Variants in CDH7 observed in about 807,000 individuals in gnomAD.
The protein encoded by CDH7 is cadherin-7.
In CDH7, 25 loss-of-function variants were observed where a neutral mutation model predicts 71.8. The observed-to-expected ratio is 0.35, with a 90% CI of 0.25 to 0.49. The LOEUF (loss-of-function observed/expected upper bound fraction) is 0.49. Ranked by LOEUF, CDH7 falls within the 20% of genes least tolerant of loss-of-function variation. The probability of loss-of-function intolerance (pLI) is 0.99; values close to 1 mark genes in which losing one functional copy is unlikely to be tolerated. For synonymous variants in CDH7, 381 were observed against 363.8 expected, an observed-to-expected ratio of 1.05 and a Z score of -0.54; for missense variants, 862 against 974.6, an observed-to-expected ratio of 0.88 and a Z score of 1.54.
In CDH7 at chr18:65,803,526, C is replaced by T. The variant is rs1286768366; in HGVS notation, c.211-6178C>T. On this transcript the variant is annotated intron_variant, in intron 2 of 11. Coordinates refer to ENST00000397968, the MANE Select transcript of CDH7 (RefSeq NM_004361.5). ...TGAATTGTGTTCCATTACCTTGAAC[C>T]ACAGTAATAATTATAAATTAGGAAT... is the stretch of plus-strand genomic sequence containing the variant. The T allele has an allele frequency of 4.0e-5, 6 of 151,896 alleles. No homozygotes were observed. In the East Asian group the frequency reaches 1.2e-3, roughly 29 times the overall value. The allele number at this position is 151,896 out of a possible 1,614,324, so 9.4% of individuals were successfully genotyped here. A position where few individuals can be genotyped will look rare whatever the true frequency, so the allele number is the denominator to read the frequency against.
At chr18:65,877,004 A>G (rs778917351) in intron 11 of CDH7, among the ~76,000 whole-genome samples, 2 of 152,212 alleles carry the variant, frequency 1.3e-5, no homozygotes, top group Non-Finnish European at 2.9e-5. Context: ...CTTAAAATAT[A>G]TAATCTTCTG....
At position 65,881,021 on chromosome 18, in the gene CDH7, TA is replaced by T. The variant is rs1485219529; in HGVS notation, c.*130del. 4 of 912,576 alleles carry T rather than the reference TA, an allele frequency of 4.4e-6. No individual in the cohort carries two copies. In the Admixed American group the frequency reaches 9.6e-5, roughly 22 times the overall value. 56.5% of individuals were successfully genotyped at this position (912,576 alleles called of 1,614,324 possible). ...TCCCCTTGCTGGAGACAGATGGTTG[TA>T]AATATTTCTCCATTTTTAATTGTTT... On this transcript the variant is annotated 3_prime_UTR_variant, in exon 12 of 12. Coordinates refer to ENST00000397968, the MANE Select transcript of CDH7 (RefSeq NM_004361.5).
intron 2 of CDH7, among the ~76,000 whole-genome samples, chr18:65,791,774 G>A (rs1910720152): frequency 2.6e-5 from 4 of 152,200 alleles, no homozygotes; most frequent in South Asian, 4.1e-4. Context: ...CTGGGATTCT[G>A]TTCAGTAAAC....
intron 1 of CDH7, among the ~76,000 whole-genome samples, chr18:65,759,113 A>G (rs1598983296): frequency 6.6e-6 from 1 of 152,350 alleles, no homozygotes; most frequent in East Asian, 1.9e-4. Flanking sequence ...TGGAAGAGAA[A>G]TAATCTTCAA....
chr18:65,864,643 C>T (rs1031957380), intron 11 of CDH7, among the ~76,000 whole-genome samples: 1 of 151,930 alleles, frequency 6.6e-6, no homozygotes, highest in Admixed American at 6.5e-5. Flanking sequence ...AATCCCAGCA[C>T]TTTGGGAGGC....
chr18:65,758,662 T>C (rs1244459795), intron 1 of CDH7, among the ~76,000 whole-genome samples: 2 of 152,216 alleles, frequency 1.3e-5, no homozygotes, highest in Non-Finnish European at 2.9e-5. Context: ...AAAGACAATT[T>C]AGCTCAAGAG....
In CDH7 at chr18:65,880,911, C is replaced by A. The variant is rs199696123; in HGVS notation, c.*17C>A. 180 of 1,554,006 alleles carry A rather than the reference C, an allele frequency of 1.2e-4. 1 individual carries two copies. The African/African-American group carries it at 2.3e-3, about 20-fold the overall frequency. ...TACTCATAGCCTTGGAACCTTAATT[C>A]GAAATGTACTGAAGAAAAAGTAACA... On this transcript the variant is annotated 3_prime_UTR_variant, in exon 12 of 12. Transcript: ENST00000397968.
At chr18:65,798,670 AG>A (rs1349352667) in intron 2 of CDH7, among the ~76,000 whole-genome samples, 2 of 152,200 alleles carry the variant, frequency 1.3e-5, no homozygotes, top group Non-Finnish European at 2.9e-5. Flanking sequence ...GGTCAGGAGT[AG>A]GGAAGGGTCT....
chr18:65,851,508 AAAG>A (rs1320343948), intron 7 of CDH7, among the ~76,000 whole-genome samples: 7 of 152,190 alleles, frequency 4.6e-5, no homozygotes, highest in African/African-American at 9.6e-5. Context: ...CTGTGAATAT[AAAG>A]AAGAACATTT....
chr18:65,860,005 T>C (rs1913507010), intron 10 of CDH7, among the ~76,000 whole-genome samples, 180 bp downstream of exon 10: 1 of 152,180 alleles, frequency 6.6e-6, no homozygotes, highest in Non-Finnish European at 1.5e-5. Flanking sequence ...AAAGCTGCTA[T>C]TTAAATTTTC....
chr18:65,863,678 G>T (rs1005364890), intron 11 of CDH7: 1 of 152,118 alleles, frequency 6.6e-6, no homozygotes, highest in African/African-American at 2.4e-5. Context: ...AATTTGAAAT[G>T]ATTACAATTT....
rs111404001 is a variant in CDH7 at position 65,782,766 on chromosome 18, C to T, written c.210+19714C>T. On this transcript the variant is annotated intron_variant, in intron 2 of 11. Transcript: ENST00000397968. ...TTAATATATACTATTGATTCATTAA[C>T]ATTAAACTCACAGACAACACACTAT... is the stretch of plus-strand genomic sequence containing the variant. Among the ~76,000 whole-genome samples, 234 of 152,266 alleles carry T rather than the reference C, an allele frequency of 1.5e-3. 2 individuals carry two copies. Among genetic ancestry groups the T allele is most frequent in the African/African-American group, 5.3e-3 (222 of 41,548 alleles).
chr18:65,833,986 A>C (rs965459947), intron 6 of CDH7, among the ~76,000 whole-genome samples: 1 of 152,138 alleles, frequency 6.6e-6, no homozygotes, highest in Non-Finnish European at 1.5e-5. Context: ...TCCATTATGG[A>C]ATTTATTTTG....
Position 65,800,293 on chromosome 18 carries a change from A to T in CDH7, c.211-9411A>T, listed in dbSNP as rs139944693. ...ACAGGGTTTCACCATGTTAGCCAGG[A>T]TGGTCTCGATCTCCTGACCTTGTGA... On this transcript the variant is annotated intron_variant, in intron 2 of 11. Transcript: ENST00000397968. Among the ~76,000 whole-genome samples, 1,135 of 152,114 alleles carry T rather than the reference A, an allele frequency of 7.5e-3. 7 individuals are homozygous for T. Among genetic ancestry groups the T allele is most frequent in the African/African-American group, 0.026 (1,081 of 41,476 alleles).
Position 65,850,173 on chromosome 18 carries a change from A to ATATATATATATATATATAT in CDH7, c.1235+6108_1235+6109insTATATATATATATATATAT, listed in dbSNP as rs145348057. ...AGTGAGACCCTGCCACACTATATATAATATATATATATATAAAATTAAATA... is the reference window on the plus strand; with the variant it reads ...AGTGAGACCCTGCCACACTATATATATATATATATATATATATATATATATATATATATAAAATTAAATA... On this transcript the variant is annotated intron_variant, in intron 7 of 11. Transcript: ENST00000397968. Among the ~76,000 whole-genome samples the ATATATATATATATATATAT allele has an allele frequency of 1.3e-3, 86 of 65,266 alleles. 1 individual carries two copies. Among genetic ancestry groups the ATATATATATATATATATAT allele is most frequent in the African/African-American group, 4.7e-3 (74 of 15,658 alleles). The allele number at this position is 65,266 out of a possible 152,430, so 42.8% of individuals were successfully genotyped here. A position where few individuals can be genotyped will look rare whatever the true frequency, so the allele number is the denominator to read the frequency against.
At chr18:65,817,293 C>T (rs1222738034) in intron 4 of CDH7, among the ~76,000 whole-genome samples, 1 of 152,034 alleles carries the variant, frequency 6.6e-6, no homozygotes, top group East Asian at 1.9e-4. Flanking sequence ...TGACCCCTTC[C>T]AACTACACCC....
chr18:65,852,924 G>A (rs960562855), intron 7 of CDH7, among the ~76,000 whole-genome samples: 2 of 152,096 alleles, frequency 1.3e-5, no homozygotes, highest in South Asian at 2.1e-4. Context: ...TGGGGAAAAG[G>A]TTGATGAATT....
rs942899480 is a variant in CDH7 at position 65,885,044 on chromosome 18, T to C, written c.*4150T>C. 8 of 152,162 alleles carry C rather than the reference T, an allele frequency of 5.3e-5. No individual in the cohort carries two copies. Among genetic ancestry groups the C allele is most frequent in the Non-Finnish European group, 1.2e-4 (8 of 68,016 alleles). 9.4% of individuals were successfully genotyped at this position (152,162 alleles called of 1,614,324 possible). On this transcript the variant is annotated 3_prime_UTR_variant, in exon 12 of 12. Coordinates refer to ENST00000397968, the MANE Select transcript of CDH7 (RefSeq NM_004361.5). Reference sequence around the variant, plus strand: ...TTATTTTTTAATTATTAATAATGTATATTGTGTGTATATATGACGGTGTAT... The same window carrying C: ...TTATTTTTTAATTATTAATAATGTACATTGTGTGTATATATGACGGTGTAT...
intron 11 of CDH7, among the ~76,000 whole-genome samples, chr18:65,871,331 G>T (rs1913920016): frequency 6.6e-6 from 1 of 152,094 alleles, no homozygotes; most frequent in South Asian, 2.1e-4. Flanking sequence ...CTATGAAGTG[G>T]TTTATAAGAG....
Sources: gnomAD v4.1 joint callset for allele counts (sites outside exome capture counted in the v4.1 genomes callset) on GRCh38, gnomAD v4.1.1 for gene constraint, MANE v1.5 for transcripts, NCBI Gene and HGNC (gene_info 2026-07-23, HGNC 2026-07-21) for gene names.